Variants in NELL1 observed in about 807,000 individuals in gnomAD.
NELL1 encodes neural EGFL like 1.
Under a neutral mutation model 107.4 loss-of-function variants are expected in NELL1, and 76 were observed. The observed-to-expected ratio is 0.71, with a 90% CI of 0.59 to 0.86. The LOEUF is 0.86. Ranked by LOEUF, NELL1 falls within the 40% of genes least tolerant of loss-of-function variation. The pLI is 0.00. For synonymous variants in NELL1, 353 were observed against 341.2 expected, an observed-to-expected ratio of 1.03 and a Z score of -0.38; for missense variants, 1,024 against 1,005.5, an observed-to-expected ratio of 1.02 and a Z score of -0.25.
At chr11:21,007,410 C>CAG (rs2134281816) in intron 12 of NELL1, among the ~76,000 whole-genome samples, 1 of 147,186 alleles carries the variant, frequency 6.8e-6, no homozygotes, top group Admixed American at 6.7e-5. Context: ...CACACACACA[C>CAG]ACAGACAGAC....
At chr11:21,274,844 A>AACCAGTG (rs1848819743) in intron 14 of NELL1, among the ~76,000 whole-genome samples, 1 of 152,230 alleles carries the variant, frequency 6.6e-6, no homozygotes, top group African/African-American at 2.4e-5. Flanking sequence ...ATGTTCTTGG[A>AACCAGTG]AACCAGTGAG....
chr11:21,441,880 C>T (rs2133846876), intron 15 of NELL1, among the ~76,000 whole-genome samples: 1 of 152,216 alleles, frequency 6.6e-6, no homozygotes, highest in Admixed American at 6.5e-5. Context: ...TAACAAGAGC[C>T]TGACTTCATG....
chr11:21,310,457 T>A (rs1226829837), intron 14 of NELL1, among the ~76,000 whole-genome samples: 2 of 152,068 alleles, frequency 1.3e-5, no homozygotes, highest in Non-Finnish European at 2.9e-5. Context: ...GTTTCGGTCC[T>A]CCTAATATTG....
chr11:21,469,824 A>C (rs1421466206), intron 15 of NELL1, among the ~76,000 whole-genome samples: 1 of 152,062 alleles, frequency 6.6e-6, no homozygotes, highest in African/African-American at 2.4e-5. Flanking sequence ...TTGAATCCAC[A>C]ACATTGTACA....
chr11:21,040,553 A>G (rs559989726), intron 12 of NELL1, among the ~76,000 whole-genome samples: 93 of 152,244 alleles, frequency 6.1e-4, no homozygotes, highest in Non-Finnish European at 1.1e-3. Flanking sequence ...ACCCTTCCTG[A>G]TATGAGCACA....
intron 3 of NELL1, among the ~76,000 whole-genome samples, chr11:20,820,735 T>C (rs1015740886): frequency 4.6e-5 from 7 of 152,116 alleles, no homozygotes; most frequent in African/African-American, 1.7e-4. Flanking sequence ...AGAATACCCT[T>C]TTCCTCATAG....
rs567371842 is a variant in NELL1, at chr11:20,714,484, A to T, written c.184+36424A>T. 2.0e-5 allele frequency among the ~76,000 whole-genome samples: 3 copies of T among 151,582 alleles called. No individual in the cohort carries two copies. The East Asian group carries it at 5.9e-4, about 30-fold the overall frequency. On this transcript the variant is annotated intron_variant, in intron 2 of 19. Transcript: ENST00000357134. ...CAGCCTCCCTAAGTGCTGGGATTAC[A>T]GGCGTGAACCATCATGCCTGGCCCT... is the stretch of plus-strand genomic sequence containing the variant.
chr11:20,715,009 C>T (rs1200682374), intron 2 of NELL1, among the ~76,000 whole-genome samples: 6 of 152,034 alleles, frequency 3.9e-5, no homozygotes, highest in Non-Finnish European at 2.9e-5. Flanking sequence ...TTCGGGAGGC[C>T]AAGGCGGGCG....
intron 14 of NELL1, among the ~76,000 whole-genome samples, chr11:21,301,385 T>C (rs958544600): frequency 2.6e-5 from 4 of 152,156 alleles, no homozygotes; most frequent in African/African-American, 9.6e-5. Context: ...TTCCTATTTC[T>C]CCACATCCTC....
At chr11:20,964,280 T>G (rs1439660179) in intron 12 of NELL1, among the ~76,000 whole-genome samples, 3 of 152,156 alleles carry the variant, frequency 2.0e-5, no homozygotes, top group Non-Finnish European at 4.4e-5. Flanking sequence ...ATGATCTTAG[T>G]TCTTGAATTT....
At chr11:20,875,730 C>T (rs1259541175) in intron 4 of NELL1, among the ~76,000 whole-genome samples, 3 of 151,986 alleles carry the variant, frequency 2.0e-5, no homozygotes, top group East Asian at 1.9e-4. Flanking sequence ...ATATCTGGAT[C>T]GTGAATTTTA....
intron 15 of NELL1, among the ~76,000 whole-genome samples, chr11:21,431,946 C>G (rs1431829644): frequency 6.6e-6 from 1 of 152,186 alleles, no homozygotes; most frequent in East Asian, 1.9e-4. Context: ...GGCTATTTTC[C>G]TTACTGCTCT....
At chr11:20,823,778 G>A (rs1857812595) in intron 3 of NELL1, among the ~76,000 whole-genome samples, 1 of 151,002 alleles carries the variant, frequency 6.6e-6, no homozygotes, top group East Asian at 1.9e-4. Flanking sequence ...AGAGGAAACA[G>A]CCACCCAACC....
intron 2 of NELL1, among the ~76,000 whole-genome samples, chr11:20,772,007 T>C (rs1160752202): frequency 1.3e-5 from 2 of 152,242 alleles, no homozygotes; most frequent in Non-Finnish European, 2.9e-5. Context: ...TTATAATGAA[T>C]AATCATAAAT....
At position 20,744,107 on chromosome 11, in the gene NELL1, T is replaced by C. The variant is rs1398215401; in HGVS notation, c.185-39573T>C. Among the ~76,000 whole-genome samples, 3 of 152,296 alleles carry C rather than the reference T, an allele frequency of 2.0e-5. No homozygotes were observed. In the East Asian group the frequency reaches 5.8e-4, roughly 29 times the overall value. On this transcript the variant is annotated intron_variant, in intron 2 of 19. Coordinates refer to ENST00000357134, the MANE Select transcript of NELL1 (RefSeq NM_006157.5). ...CATCTCACTGTGTCCATAGCCACAA[T>C]CTTATTCCAAGCTACTATCATTTCT...
chr11:21,360,624 C>T (rs1205071699), intron 14 of NELL1, among the ~76,000 whole-genome samples: 1 of 152,022 alleles, frequency 6.6e-6, no homozygotes, highest in South Asian at 2.1e-4. Context: ...TGCCATCTAC[C>T]TTATTTCTTA....
At chr11:21,412,640 A>T (rs1012622635) in intron 15 of NELL1, among the ~76,000 whole-genome samples, 1 of 152,120 alleles carries the variant, frequency 6.6e-6, no homozygotes, top group African/African-American at 2.4e-5. Context: ...CGGAACATGA[A>T]GTATCAGGAA....
At chr11:21,047,091 T>G (rs1853375095) in intron 12 of NELL1, among the ~76,000 whole-genome samples, 1 of 152,094 alleles carries the variant, frequency 6.6e-6, no homozygotes, top group Non-Finnish European at 1.5e-5. Context: ...AAGTATAGAA[T>G]CACTGTTGGA....
intron 12 of NELL1, among the ~76,000 whole-genome samples, chr11:21,007,206 G>T (rs2134281465): frequency 6.6e-6 from 1 of 152,206 alleles, no homozygotes; most frequent in Admixed American, 6.5e-5. Flanking sequence ...TCCTCTTATT[G>T]TCTGGTTATA....
Sources: allele counts gnomAD v4.1 joint callset (sites outside exome capture counted in the v4.1 genomes callset), GRCh38; gene constraint gnomAD v4.1.1; transcripts MANE v1.5; gene names NCBI Gene and HGNC (gene_info 2026-07-23, HGNC 2026-07-21).